The following LGSN variants were observed in gnomAD, a reference collection of about 807,000 sequenced individuals.
LGSN encodes lengsin.
A neutral mutation model predicts 19.5 loss-of-function variants in LGSN; 21 were observed. The ratio of observed to expected loss-of-function variants is 1.07; its 90% CI spans 0.76 to 1.55. The LOEUF is 1.55. LGSN is among the 40% of genes most tolerant of loss of function. The probability of loss-of-function intolerance (pLI) is 0.00; values close to 1 mark genes in which losing one functional copy is unlikely to be tolerated. For missense variants in LGSN, 673 were observed against 608.5 expected (o/e 1.11, Z -1.12); for synonymous variants, 257 against 215.6 (o/e 1.19, Z -1.68).
At chr6:63,483,179 C>A in the LGSN span, among the ~76,000 whole-genome samples, 1 of 152,192 alleles carries the variant, frequency 6.6e-6, no homozygotes, top group Non-Finnish European at 1.5e-5. Context: ...GTTTACCTAG[C>A]AGAAATTTAG....
At chr6:63,548,935 G>T in the LGSN span, 16 of 882,840 alleles carry the variant, frequency 1.8e-5, no homozygotes, top group Middle Eastern at 6.5e-4. Flanking sequence ...TGGACTAGAC[G>T]TCCCAGTCTT....
the LGSN span, among the ~76,000 whole-genome samples, chr6:63,513,300 C>A: frequency 6.6e-5 from 10 of 152,178 alleles, no homozygotes; most frequent in Admixed American, 1.3e-4. Context: ...GCCATGAAAT[C>A]TCATTGGCAG....
intron 1 of LGSN, among the ~76,000 whole-genome samples, chr6:63,299,856 A>G (rs1489495824): frequency 6.6e-6 from 1 of 152,192 alleles, no homozygotes; most frequent in Non-Finnish European, 1.5e-5. Flanking sequence ...TCTACTGGTC[A>G]GAAAGGTTTA....
At chr6:63,362,334 G>A in the LGSN span, among the ~76,000 whole-genome samples, 8 of 152,308 alleles carry the variant, frequency 5.3e-5, no homozygotes, top group South Asian at 1.0e-3. Context: ...TCCAACTGAG[G>A]TACCAGGTTC....
At chr6:63,499,558 G>C in the LGSN span, among the ~76,000 whole-genome samples, 1 of 151,926 alleles carries the variant, frequency 6.6e-6, no homozygotes, top group South Asian at 2.1e-4. Context: ...CTCGCTTTTT[G>C]TAGCATTTGA....
At chr6:63,412,674 GAAGAAAGAAAGAAAGAGA>G in the LGSN span, among the ~76,000 whole-genome samples, 91 of 113,894 alleles carry the variant, frequency 8.0e-4, 1 homozygote, top group African/African-American at 3.1e-3. Context: ...GGAAGGAAAG[GAAGAAAGAAAGAAAGAGA>G]AAGAAAGAAA....
chr6:63,553,679 T>C, the LGSN span, among the ~76,000 whole-genome samples: 1 of 152,122 alleles, frequency 6.6e-6, no homozygotes, highest in African/African-American at 2.4e-5. Context: ...ACTGATTAGG[T>C]TGGGGGAATT....
the LGSN span, among the ~76,000 whole-genome samples, chr6:63,522,612 G>T: frequency 1.3e-5 from 2 of 152,166 alleles, no homozygotes; most frequent in East Asian, 1.9e-4. Context: ...TTAGTTAAAA[G>T]AACACAATAG....
At chr6:63,558,924 A>G in the LGSN span, among the ~76,000 whole-genome samples, 11 of 152,210 alleles carry the variant, frequency 7.2e-5, no homozygotes, top group Non-Finnish European at 1.2e-4. Context: ...TAATGCTCCT[A>G]AAGTGTCTAT....
the LGSN span, among the ~76,000 whole-genome samples, chr6:63,389,591 G>T: frequency 6.6e-6 from 1 of 152,170 alleles, no homozygotes; most frequent in Non-Finnish European, 1.5e-5. Context: ...TTTGAACAAT[G>T]GTCCTGTGTA....
chr6:63,331,996 G>A, the LGSN span, among the ~76,000 whole-genome samples: 10 of 152,260 alleles, frequency 6.6e-5, no homozygotes, highest in Admixed American at 6.5e-4. Flanking sequence ...GGGAGGGAAG[G>A]GATCTTCAGG....
At chr6:63,414,850 G>A in the LGSN span, among the ~76,000 whole-genome samples, 1 of 152,108 alleles carries the variant, frequency 6.6e-6, no homozygotes, top group South Asian at 2.1e-4. Context: ...GGGAGGCAGA[G>A]GTTGCAGTGA....
the LGSN span, among the ~76,000 whole-genome samples, chr6:63,382,626 C>T: frequency 1.3e-5 from 2 of 152,166 alleles, no homozygotes; most frequent in African/African-American, 2.4e-5. Flanking sequence ...AAGGACAGTC[C>T]TAAGACACAT....
At chr6:63,461,034 C>T in the LGSN span, among the ~76,000 whole-genome samples, 2 of 152,162 alleles carry the variant, frequency 1.3e-5, no homozygotes, top group East Asian at 3.8e-4. Context: ...ACTGCCATGC[C>T]ATCTTGTATC....
chr6:63,397,135 CT>C, the LGSN span: 1 of 152,302 alleles, frequency 6.6e-6, no homozygotes, highest in Non-Finnish European at 1.5e-5. Context: ...AGAATTACAC[CT>C]GAGGCTGATT....
the LGSN span, among the ~76,000 whole-genome samples, chr6:63,382,947 AG>A: frequency 6.6e-6 from 1 of 152,226 alleles, no homozygotes; most frequent in Non-Finnish European, 1.5e-5. Flanking sequence ...AAAAGACAAA[AG>A]GGATTATCTA....
chr6:63,449,353 A>G, the LGSN span, among the ~76,000 whole-genome samples: 2 of 151,908 alleles, frequency 1.3e-5, no homozygotes, highest in African/African-American at 2.4e-5. Flanking sequence ...AAGACCATCA[A>G]GGCCAACGTG....
At chr6:63,519,671 A>G in the LGSN span, among the ~76,000 whole-genome samples, 2 of 152,230 alleles carry the variant, frequency 1.3e-5, no homozygotes, top group Non-Finnish European at 2.9e-5. Context: ...CATGAAAATG[A>G]AATACAGGTC....
chr6:63,281,335 A>ATAC (rs1554170069), intron 3 of LGSN, 115 bp from the exon 4 acceptor site: 2 of 144,086 alleles, frequency 1.4e-5, no homozygotes, highest in Admixed American at 7.9e-5. Flanking sequence ...ATATATAATA[A>ATAC]ATATATATAT....
Sources: allele counts gnomAD v4.1 joint callset (sites outside exome capture counted in the v4.1 genomes callset), GRCh38; gene constraint gnomAD v4.1.1; transcripts MANE v1.5; gene names NCBI Gene and HGNC (gene_info 2026-07-23, HGNC 2026-07-21).